HMMR: variants seen among roughly 807,000 people sequenced by gnomAD.
HMMR encodes the protein intracellular hyaluronic acid-binding protein.
HMMR carries 108 observed loss-of-function variants against 101.0 expected under a neutral mutation model. That is an observed-to-expected ratio of 1.07 (90% CI 0.92 to 1.25). The LOEUF (loss-of-function observed/expected upper bound fraction) is 1.25, where lower values mean the gene tolerates loss of function less well. Among genes scored for constraint, HMMR ranks in the 50% most tolerant of loss-of-function variants. The pLI is 0.00. For synonymous variants in HMMR, 296 were observed against 276.4 expected (o/e 1.07, Z -0.70); for missense variants, 813 against 788.7 (o/e 1.03, Z -0.37).
In HMMR at chr5:163,469,758, T is replaced by G. The variant is rs1456403488; in HGVS notation, c.391T>G (p.Ser131Ala). The change falls in exon 5 of 18, where the codon TCT (serine) becomes GCT (alanine). Residue 131 changes from serine (S) to alanine (A), a missense_variant. By Grantham distance (99) the Ser-to-Ala change is moderately conservative (BLOSUM62 1). Transcript: ENST00000393915. Reference protein sequence around the residue: ...NAALREKTSLSANNATLEKQL... With the variant: ...NAALREKTSLAANNATLEKQL... ...TGCACTAAGGGAAAAAACATCTCTC[T>G]CTGCAAATAATGCTACACTGGAAAA... 1.2e-6 allele frequency: 2 copies of G among 1,612,726 alleles called. No homozygotes were observed. Among genetic ancestry groups the G allele is most frequent in the African/African-American group, 2.7e-5 (2 of 74,910 alleles).
rs1758988394 is a variant in HMMR, at chr5:163,474,040, T to C, written c.905-17T>C. The C allele has an allele frequency of 6.3e-7, 1 of 1,599,210 alleles. No individual in the cohort carries two copies. Among genetic ancestry groups the C allele is most frequent in the African/African-American group, 1.3e-5 (1 of 74,360 alleles). ...TCTTATCTAATTCCAGTATTCTTGA[T>C]GTTTTGCGTTTTCTAGAAGACCATG... On this transcript the variant is annotated splice_polypyrimidine_tract_variant and intron_variant, in intron 9 of 17. Coordinates refer to ENST00000393915, the MANE Select transcript of HMMR (RefSeq NM_001142556.2).
Position 163,491,085 on chromosome 5 carries a change from A to G in HMMR, c.2126-27A>G, listed in dbSNP as rs184764301. On this transcript the variant is annotated intron_variant, in intron 17 of 17. Coordinates refer to ENST00000393915, the MANE Select transcript of HMMR (RefSeq NM_001142556.2). ...TAAATTCGTTTTAATCTAGATTACT[A>G]ATCCTTCTTTTCAATAATTCTTCTA... The G allele has an allele frequency of 4.0e-3, 5,624 of 1,415,918 alleles. 19 individuals carry two copies. The highest frequency in any genetic ancestry group is 0.019 in the Middle Eastern group (103 of 5,548). The allele number at this position is 1,415,918 out of a possible 1,614,324, so 87.7% of individuals were successfully genotyped here. A position where few individuals can be genotyped will look rare whatever the true frequency, so the allele number is the denominator to read the frequency against.
intron 11 of HMMR, among the ~76,000 whole-genome samples, chr5:163,475,919 T>G (rs1160999172): frequency 6.6e-6 from 1 of 152,196 alleles, no homozygotes; most frequent in Non-Finnish European, 1.5e-5. Flanking sequence ...CCCCTTTTTT[T>G]AAGGCCAAAG....
At chr5:163,461,305 C>A (rs1758523747) in intron 1 of HMMR, among the ~76,000 whole-genome samples, 1 of 152,156 alleles carries the variant, frequency 6.6e-6, no homozygotes, top group Non-Finnish European at 1.5e-5. Flanking sequence ...ATGTTAATTT[C>A]CCACCAACTC....
At chr5:163,471,318 A>C in intron 6 of HMMR, 45 bp from the exon 7 acceptor site, 1 of 1,605,128 alleles carries the variant, frequency 6.2e-7, no homozygotes, top group Non-Finnish European at 8.5e-7. Context: ...TCTGGGGATC[A>C]GTACAACTTT....
chr5:163,468,030 G>A (rs1758757630), intron 4 of HMMR, among the ~76,000 whole-genome samples: 1 of 152,196 alleles, frequency 6.6e-6, no homozygotes, highest in African/African-American at 2.4e-5. Context: ...TATATATGTG[G>A]ATCAAATATT....
chr5:163,490,436 A>G lies in HMMR; in HGVS notation c.2009A>G (p.Glu670Gly). ...CAGCTTGCTAAAAAAAAACAAAGTG[A>G]GACAAAACTTCAAGAGGAATTGAAT... Reference protein sequence around the residue: ...RCQLAKKKQSETKLQEELNKV... With the variant: ...RCQLAKKKQSGTKLQEELNKV... Residue 670 changes from glutamate to glycine, a missense_variant, in exon 17 of 18, where the codon GAG (glutamate) becomes GGG (glycine). Physicochemically the swap from Glu to Gly is moderately conservative, Grantham distance 98. Transcript: ENST00000393915. 6.3e-7 allele frequency: 1 copy of G among 1,596,904 alleles called. No homozygotes were observed. Among genetic ancestry groups the G allele is most frequent in the Non-Finnish European group, 8.5e-7 (1 of 1,173,190 alleles).
At position 163,484,206 on chromosome 5, in the gene HMMR, T is replaced by C; in HGVS notation, c.1923T>C (p.His641=). ...AGAATTTGAAACAAAAAATCAAGCA[T>C]GTTGTGAAGTTGAAAGATGAAAATA... ...GHQNLKQKIK[H]VVKLKDENSQ... is the part of the protein sequence containing the mutation. Residue 641 remains histidine (H), a synonymous_variant, in exon 16 of 18, where the codon CAT becomes CAC. Transcript: ENST00000393915. 1 of 1,601,542 alleles carries C rather than the reference T, an allele frequency of 6.2e-7. No individual in the cohort carries two copies. The highest frequency in any genetic ancestry group is 8.5e-7 in the Non-Finnish European group (1 of 1,175,174).
At chr5:163,461,517 G>A (rs1427746978) in intron 1 of HMMR, among the ~76,000 whole-genome samples, 1 of 152,024 alleles carries the variant, frequency 6.6e-6, no homozygotes, top group African/African-American at 2.4e-5. Context: ...GTATGCGGCC[G>A]GGCGCGGCGG....
intron 11 of HMMR, among the ~76,000 whole-genome samples, chr5:163,477,155 T>TA (rs1372296655): frequency 6.6e-6 from 1 of 152,272 alleles, no homozygotes; most frequent in Non-Finnish European, 1.5e-5. Context: ...TTGTCCATAG[T>TA]AATTGCTAAT....
intron 11 of HMMR, among the ~76,000 whole-genome samples, chr5:163,477,485 A>G (rs1412235470): frequency 1.3e-5 from 2 of 152,190 alleles, no homozygotes; most frequent in Non-Finnish European, 2.9e-5. Flanking sequence ...GGTTTTTCAT[A>G]TCCCTGCTTT....
chr5:163,469,091 G>T (rs1038954877), intron 4 of HMMR, among the ~76,000 whole-genome samples: 20 of 152,270 alleles, frequency 1.3e-4, no homozygotes, highest in Admixed American at 5.2e-4. Context: ...GCGGCCGGGT[G>T]TGGTGGCTTA....
At position 163,490,419 on chromosome 5, in the gene HMMR, T is replaced by TAA; in HGVS notation, c.2000_2001dup (p.Gln668AsnfsTer11). On this transcript the variant is annotated frameshift_variant, in exon 17 of 18. Coordinates refer to ENST00000393915, the MANE Select transcript of HMMR (RefSeq NM_001142556.2). LOFTEE classifies it high-confidence loss of function. Reference sequence around the variant, plus strand: ...TATCAAAACTCCGCTGTCAGCTTGCTAAAAAAAAACAAAGTGAGACAAAAC... The same window carrying TAA: ...TATCAAAACTCCGCTGTCAGCTTGCTAAAAAAAAAAACAAAGTGAGACAAAAC... 3.9e-6 allele frequency: 6 copies of TAA among 1,548,190 alleles called. No homozygotes were observed. Among genetic ancestry groups the TAA allele is most frequent in the Admixed American group, 1.9e-5 (1 of 51,840 alleles).
At chr5:163,486,254 C>CTAA (rs1759473235) in intron 16 of HMMR, among the ~76,000 whole-genome samples, 1 of 152,150 alleles carries the variant, frequency 6.6e-6, no homozygotes, top group African/African-American at 2.4e-5. Context: ...GTTAAGTCTT[C>CTAA]TAATACATGA....
intron 11 of HMMR, among the ~76,000 whole-genome samples, chr5:163,476,168 C>T (rs1037959300): frequency 6.6e-6 from 1 of 151,586 alleles, no homozygotes; most frequent in Admixed American, 6.6e-5. Flanking sequence ...AAAAAAAAAA[C>T]TAGCTGGGCA....
chr5:163,490,210 T>A (rs936706889), intron 16 of HMMR, among the ~76,000 whole-genome samples, 180 bp from the exon 17 acceptor site: 2 of 152,320 alleles, frequency 1.3e-5, no homozygotes, highest in South Asian at 4.1e-4. Flanking sequence ...GTATCTCCTT[T>A]GTCACAGCTG....
chr5:163,475,405 CA>C, intron 10 of HMMR, 52 bp from the exon 11 acceptor site: 1 of 1,034,862 alleles, frequency 9.7e-7, no homozygotes, highest in African/African-American at 1.6e-5. Flanking sequence ...TCTCCTAGTA[CA>C]ACCTCACAAT....
intron 1 of HMMR, among the ~76,000 whole-genome samples, chr5:163,462,438 T>A (rs2113449805): frequency 6.6e-6 from 1 of 151,984 alleles, no homozygotes; most frequent in East Asian, 1.9e-4. Flanking sequence ...TACACATACA[T>A]ACGAAAGAAA....
At chr5:163,489,817 G>C (rs1054950019) in intron 16 of HMMR, among the ~76,000 whole-genome samples, 5 of 152,202 alleles carry the variant, frequency 3.3e-5, no homozygotes, top group Non-Finnish European at 7.4e-5. Flanking sequence ...GTCCTCCTGG[G>C]AGGGAAGCTT....
Sources: gnomAD v4.1 joint callset for allele counts (sites outside exome capture counted in the v4.1 genomes callset) on GRCh38, gnomAD v4.1.1 for gene constraint, MANE v1.5 for transcripts, NCBI Gene and HGNC (gene_info 2026-07-23, HGNC 2026-07-21) for gene names.